CDK19: variants seen among roughly 807,000 people sequenced by gnomAD.
CDK19 encodes the protein cyclin dependent kinase 19.
CDK19 carries 20 observed loss-of-function variants against 68.3 expected under a neutral mutation model. The ratio of observed to expected loss-of-function variants is 0.29; its 90% CI spans 0.21 to 0.43. CDK19 has a LOEUF of 0.43. CDK19 is among the 20% of genes least tolerant of loss of function. The probability of loss-of-function intolerance (pLI) is 1.00; values close to 1 mark genes in which losing one functional copy is unlikely to be tolerated. For synonymous variants in CDK19, 221 were observed against 222.8 expected, an observed-to-expected ratio of 0.99 and a Z score of 0.07; for missense variants, 339 against 623.5, an observed-to-expected ratio of 0.54 and a Z score of 4.86.
At chr6:110,701,582 T>C (rs370710311) in intron 2 of CDK19, among the ~76,000 whole-genome samples, 1 of 151,566 alleles carries the variant, frequency 6.6e-6, no homozygotes, top group South Asian at 2.1e-4. Context: ...AGAAAACCCT[T>C]CAGAGTCCAA....
chr6:110,804,111 G>A (rs1463946301), intron 1 of CDK19, among the ~76,000 whole-genome samples: 1 of 152,084 alleles, frequency 6.6e-6, no homozygotes, highest in African/African-American at 2.4e-5. Context: ...AAAACACTTT[G>A]CCATGAATAG....
intron 2 of CDK19, among the ~76,000 whole-genome samples, chr6:110,742,830 C>T (rs975430302): frequency 6.6e-6 from 1 of 152,178 alleles, no homozygotes; most frequent in African/African-American, 2.4e-5. Context: ...ACAATACGTG[C>T]ACAGCGGGAC....
At chr6:110,699,889 A>C (rs1329343155) in intron 2 of CDK19, among the ~76,000 whole-genome samples, 4 of 152,218 alleles carry the variant, frequency 2.6e-5, no homozygotes, top group Admixed American at 6.5e-5. Flanking sequence ...GACTTACAGC[A>C]GGGGTCCCTA....
intron 2 of CDK19, among the ~76,000 whole-genome samples, chr6:110,693,530 G>A (rs1773211589): frequency 6.6e-6 from 1 of 152,210 alleles, no homozygotes; most frequent in Non-Finnish European, 1.5e-5. Flanking sequence ...CTATAGGCTG[G>A]CTGCCTGGAT....
At chr6:110,772,281 GA>G (rs1780073785) in intron 1 of CDK19, among the ~76,000 whole-genome samples, 1 of 152,116 alleles carries the variant, frequency 6.6e-6, no homozygotes, top group South Asian at 2.1e-4. Flanking sequence ...GGCAGCAAGA[GA>G]AAATGAGAAG....
At chr6:110,686,127 C>T (rs771859001) in intron 2 of CDK19, among the ~76,000 whole-genome samples, 2 of 152,094 alleles carry the variant, frequency 1.3e-5, no homozygotes, top group Non-Finnish European at 2.9e-5. Context: ...GAGTGCCAAG[C>T]ATATTTGAGG....
chr6:110,663,346 T>C (rs986446151), intron 4 of CDK19, among the ~76,000 whole-genome samples: 1 of 152,246 alleles, frequency 6.6e-6, no homozygotes, highest in Non-Finnish European at 1.5e-5. Context: ...ACCATATTCA[T>C]ATTTCATATA....
chr6:110,623,293 G>A lies in CDK19; in HGVS notation c.930C>T (p.Leu310=), dbSNP rs1778829974. Reference sequence around the variant, plus strand: ...AGTCTGGGAGAGAAGCACCTACCAAGAGGAACACTTTGCTGTCAGGCTTGA... The same window carrying A: ...AGTCTGGGAGAGAAGCACCTACCAAAAGGAACACTTTGCTGTCAGGCTTGA... ...HKVKPDSKVF[L]LLQKLLTMDP... The change falls in exon 9 of 13, where the codon CTC becomes CTT. Residue 310 remains leucine, a synonymous_variant. Coordinates refer to ENST00000368911, the MANE Select transcript of CDK19 (RefSeq NM_015076.5). 1.2e-6 allele frequency: 2 copies of A among 1,613,418 alleles called. No homozygotes were observed. Among genetic ancestry groups the A allele is most frequent in the African/African-American group, 1.3e-5 (1 of 75,048 alleles).
chr6:110,632,632 G>A (rs1483152309), intron 5 of CDK19, among the ~76,000 whole-genome samples: 1 of 152,116 alleles, frequency 6.6e-6, no homozygotes, highest in East Asian at 1.9e-4. Flanking sequence ...TCGGGAGGCT[G>A]AGGCAGGAGA....
chr6:110,743,399 T>C (rs1243645589), intron 2 of CDK19, among the ~76,000 whole-genome samples: 1 of 152,140 alleles, frequency 6.6e-6, no homozygotes, highest in Non-Finnish European at 1.5e-5. Context: ...TACAGCACTT[T>C]GGGAGGTTGT....
chr6:110,769,621 G>T (rs1779867662), intron 1 of CDK19, among the ~76,000 whole-genome samples: 1 of 151,646 alleles, frequency 6.6e-6, no homozygotes, highest in South Asian at 2.1e-4. Flanking sequence ...GGAGCAGGGG[G>T]TGGTATATGG....
chr6:110,702,643 TA>T (rs1226458134), intron 2 of CDK19, among the ~76,000 whole-genome samples: 1 of 151,900 alleles, frequency 6.6e-6, no homozygotes, highest in East Asian at 1.9e-4. Flanking sequence ...AAAATAAATT[TA>T]AAAAATGACC....
chr6:110,755,918 G>C (rs1411285683), intron 1 of CDK19, among the ~76,000 whole-genome samples: 3 of 152,084 alleles, frequency 2.0e-5, no homozygotes, highest in Non-Finnish European at 2.9e-5. Context: ...AGTAAATGTA[G>C]TCAGAATGGA....
At chr6:110,622,533 G>C (rs188864115) in intron 10 of CDK19, among the ~76,000 whole-genome samples, 30 of 152,206 alleles carry the variant, frequency 2.0e-4, no homozygotes, top group African/African-American at 7.2e-4. Flanking sequence ...TGGTTTGGCT[G>C]AATTTCTGAT....
intron 2 of CDK19, among the ~76,000 whole-genome samples, chr6:110,738,267 T>C (rs912577490): frequency 2.0e-5 from 3 of 151,766 alleles, no homozygotes; most frequent in African/African-American, 7.3e-5. Context: ...CACAGCACTT[T>C]GGAAGGCCAA....
chr6:110,636,397 A>C (rs1174663606), intron 5 of CDK19, among the ~76,000 whole-genome samples: 2 of 152,226 alleles, frequency 1.3e-5, no homozygotes, highest in Admixed American at 6.5e-5. Context: ...CAGTGCCTTG[A>C]AACAATAGGT....
At chr6:110,617,764 T>C (rs1480024307) in intron 12 of CDK19, among the ~76,000 whole-genome samples, 4 of 131,774 alleles carry the variant, frequency 3.0e-5, no homozygotes, top group African/African-American at 1.2e-4. Flanking sequence ...GGCTGAGGCA[T>C]GAGAATCACT....
At chr6:110,704,266 C>T (rs1774254620) in intron 2 of CDK19, among the ~76,000 whole-genome samples, 1 of 152,172 alleles carries the variant, frequency 6.6e-6, no homozygotes, top group African/African-American at 2.4e-5. Flanking sequence ...ACTTTATTTT[C>T]ATTAACACAG....
chr6:110,670,399 C>A, intron 3 of CDK19, 32 bp downstream of exon 3: 1 of 1,234,480 alleles, frequency 8.1e-7, no homozygotes, highest in Non-Finnish European at 1.2e-6. Flanking sequence ...CTATATAAAA[C>A]AATCCTAGAA....
Sources: gnomAD v4.1 joint callset for allele counts (sites outside exome capture counted in the v4.1 genomes callset) on GRCh38, gnomAD v4.1.1 for gene constraint, MANE v1.5 for transcripts, NCBI Gene and HGNC (gene_info 2026-07-23, HGNC 2026-07-21) for gene names.